The following ADGRL2 variants were observed in gnomAD, a reference collection of about 807,000 sequenced individuals.
ADGRL2 encodes the protein calcium-independent alpha-latrotoxin receptor 2.
Under a neutral mutation model 157.4 loss-of-function variants are expected in ADGRL2, and 44 were observed. The ratio of observed to expected loss-of-function variants is 0.28; its 90% CI spans 0.22 to 0.36. ADGRL2 has a LOEUF of 0.36. ADGRL2 is among the 10% of genes least tolerant of loss of function. ADGRL2 has a pLI of 1.00. For synonymous variants in ADGRL2, 585 were observed against 624.7 expected, an observed-to-expected ratio of 0.94 and a Z score of 0.95; for missense variants, 1,510 against 1,768.9, an observed-to-expected ratio of 0.85 and a Z score of 2.63.
chr1:81,614,304 A>G (rs1224899967), intron 3 of ADGRL2, among the ~76,000 whole-genome samples: 1 of 152,190 alleles, frequency 6.6e-6, no homozygotes, highest in Non-Finnish European at 1.5e-5. Context: ...TCGATGAGAC[A>G]CATGTAAATC....
At chr1:81,941,932 C>A in intron 4 of ADGRL2, 102 bp from the exon 5 acceptor site, 1 of 601,842 alleles carries the variant, frequency 1.7e-6, no homozygotes. Flanking sequence ...TATTTAGCAT[C>A]TGTTACGAAT....
intron 3 of ADGRL2, among the ~76,000 whole-genome samples, chr1:81,930,534 C>T (rs1317209977): frequency 6.6e-6 from 1 of 152,096 alleles, no homozygotes; most frequent in Non-Finnish European, 1.5e-5. Flanking sequence ...ACCTTCTTGC[C>T]ATTTGCAAAT....
intron 1 of ADGRL2, among the ~76,000 whole-genome samples, chr1:81,428,584 A>G (rs1425801640): frequency 2.6e-5 from 4 of 152,178 alleles, no homozygotes; most frequent in African/African-American, 7.2e-5. Context: ...CATAAGAGAG[A>G]GGGAAGTGGG....
At chr1:81,430,013 C>A (rs995423890) in intron 1 of ADGRL2, among the ~76,000 whole-genome samples, 4 of 152,174 alleles carry the variant, frequency 2.6e-5, no homozygotes, top group African/African-American at 9.7e-5. Flanking sequence ...CCTGTCTCAG[C>A]CTCCCGAGTA....
chr1:81,463,736 A>G (rs973092943), intron 2 of ADGRL2, among the ~76,000 whole-genome samples: 2 of 152,334 alleles, frequency 1.3e-5, no homozygotes, highest in Non-Finnish European at 2.9e-5. Flanking sequence ...TTGGCCCTCA[A>G]CTACTTACTT....
At chr1:81,368,406 T>C (rs2076104157) in intron 1 of ADGRL2, among the ~76,000 whole-genome samples, 1 of 152,208 alleles carries the variant, frequency 6.6e-6, no homozygotes, top group Non-Finnish European at 1.5e-5. Flanking sequence ...TTCCAAGTCT[T>C]GTCAACTTGT....
chr1:81,677,134 C>T (rs1284312673), intron 3 of ADGRL2, among the ~76,000 whole-genome samples: 2 of 151,900 alleles, frequency 1.3e-5, no homozygotes, highest in African/African-American at 4.8e-5. Context: ...TACCAGCATG[C>T]ACCACCACGC....
chr1:81,756,944 A>G (rs984043517), intron 1 of ADGRL2, among the ~76,000 whole-genome samples: 3 of 152,138 alleles, frequency 2.0e-5, no homozygotes, highest in Non-Finnish European at 4.4e-5. Flanking sequence ...ACTGTTATTC[A>G]TGACATAAGG....
intron 1 of ADGRL2, among the ~76,000 whole-genome samples, chr1:81,419,322 G>A (rs920235150): frequency 1.3e-5 from 2 of 152,062 alleles, no homozygotes; most frequent in African/African-American, 4.8e-5. Flanking sequence ...TCCTGCCTCA[G>A]CCTCCCTAGT....
rs575546738 is a variant in ADGRL2 at position 81,407,270 on chromosome 1, C to T, written c.-301-37766C>T. 7.9e-5 allele frequency among the ~76,000 whole-genome samples: 12 copies of T among 152,282 alleles called. 1 individual carries two copies. The East Asian group carries it at 2.1e-3, about 27-fold the overall frequency. On this transcript the variant is annotated intron_variant, in intron 1 of 24. Coordinates refer to the ADGRL2 transcript ENST00000370721. The stretch of plus-strand genomic sequence containing the variant: ...TTCAAACCCCCATTGCCAATGAAAA[C>T]CAGCCTCCTGGATCCGGAGGTCAGT...
At chr1:81,950,130 T>C (rs9438715) in intron 6 of ADGRL2, 59 bp from the exon 7 acceptor site, 1,420,073 of 1,421,894 alleles carry the variant, frequency 1, 709,140 homozygotes, top group Non-Finnish European at 1. Context: ...CATGTGTGCA[T>C]GACTGTATGT....
chr1:81,893,083 T>C (rs2094304288), intron 2 of ADGRL2, among the ~76,000 whole-genome samples: 1 of 152,158 alleles, frequency 6.6e-6, no homozygotes, highest in Non-Finnish European at 1.5e-5. Context: ...GTGCCTGGGT[T>C]CTTTCATGTG....
chr1:81,385,375 G>T (rs2076417530), intron 1 of ADGRL2, among the ~76,000 whole-genome samples: 2 of 151,986 alleles, frequency 1.3e-5, no homozygotes, highest in African/African-American at 4.8e-5. Context: ...TAAAATGAGG[G>T]CTAGAAAGAT....
chr1:81,507,253 A>G (rs1162726048), intron 2 of ADGRL2, among the ~76,000 whole-genome samples: 3 of 152,160 alleles, frequency 2.0e-5, no homozygotes, highest in South Asian at 4.1e-4. Context: ...ATCACCACCT[A>G]GAGAGTGAGC....
chr1:81,980,739 T>G, intron 18 of ADGRL2: 1 of 631,350 alleles, frequency 1.6e-6, no homozygotes, highest in Non-Finnish European at 3.0e-6. Flanking sequence ...AGAGCTAATC[T>G]TTAGCATCTC....
At chr1:81,544,624 T>G (rs890799088) in intron 2 of ADGRL2, among the ~76,000 whole-genome samples, 2 of 152,174 alleles carry the variant, frequency 1.3e-5, no homozygotes, top group Admixed American at 6.5e-5. Flanking sequence ...CAACTGTATT[T>G]CAATAATAAT....
chr1:81,465,052 C>T (rs2078024576), intron 2 of ADGRL2, among the ~76,000 whole-genome samples: 2 of 151,794 alleles, frequency 1.3e-5, no homozygotes, highest in South Asian at 4.2e-4. Flanking sequence ...GTGGCATTGT[C>T]CAAGTGATAC....
At chr1:81,696,548 A>C (rs544759716), upstream of ADGRL2, among the ~76,000 whole-genome samples, 40 of 152,020 alleles carry the variant, frequency 2.6e-4, no homozygotes, top group Admixed American at 4.6e-4. Flanking sequence ...GTCAGGAGAT[A>C]GAGATCATCC....
chr1:81,363,362 T>C (rs1044911269), intron 1 of ADGRL2, among the ~76,000 whole-genome samples: 9 of 152,168 alleles, frequency 5.9e-5, no homozygotes, highest in Non-Finnish European at 1.2e-4. Flanking sequence ...GGTAATTCAG[T>C]TGAATAATTT....
Sources: allele counts gnomAD v4.1 joint callset (sites outside exome capture counted in the v4.1 genomes callset), GRCh38; gene constraint gnomAD v4.1.1; transcripts MANE v1.5; gene names NCBI Gene and HGNC (gene_info 2026-07-23, HGNC 2026-07-21).